Variants in PLCG1 observed in about 807,000 individuals in gnomAD.
PLCG1 encodes the protein phospholipase C gamma 1.
PLCG1 carries 71 observed loss-of-function variants against 177.8 expected under a neutral mutation model. The observed-to-expected ratio is 0.40, with a 90% CI of 0.33 to 0.49. The LOEUF is 0.49. PLCG1 is among the 20% of genes least tolerant of loss of function. The probability of loss-of-function intolerance (pLI) is 0.72; values close to 1 mark genes in which losing one functional copy is unlikely to be tolerated. For missense variants in PLCG1, 1,281 were observed against 1,709.0 expected (o/e 0.75, Z 4.42); for synonymous variants, 658 against 647.9 (o/e 1.02, Z -0.24).
Position 41,137,707 on chromosome 20 carries a change from G to A in PLCG1, c.66G>A (p.Val22=). 7.6e-7 allele frequency: 1 copy of A among 1,312,780 alleles called. No homozygotes were observed. Among genetic ancestry groups the A allele is most frequent in the South Asian group, 2.4e-5 (1 of 41,166 alleles). 81.3% of individuals were successfully genotyped at this position (1,312,780 alleles called of 1,614,324 possible). A position where few individuals can be genotyped will look rare whatever the true frequency, so the allele number is the denominator to read the frequency against. The change falls in exon 1 of 32, where the codon GTG becomes GTA. Residue 22 remains valine (V), a synonymous_variant. Transcript: ENST00000685551. This position sits in a 1 kb window ranked among gnomAD's most constrained non-coding sequence, Gnocchi z 7.3. The stretch of plus-strand genomic sequence containing the variant: ...CCGGCGCGCCCTCGGACGCCGAGGT[G>A]CTGCACCTCTGCCGCAGCCTCGAGG... ...CGPGAPSDAE[V]LHLCRSLEVG... is the part of the protein sequence containing the mutation.
rs1568729081 is a variant in PLCG1, at chr20:41,147,428, A to G, written c.217+9570A>G. Reference sequence around the variant, plus strand: ...CACCGGAAGCATGAAGCTCCATACAATCATGTGTGCTAGTAAAGTTTGGGC... The same window carrying G: ...CACCGGAAGCATGAAGCTCCATACAGTCATGTGTGCTAGTAAAGTTTGGGC... On this transcript the variant is annotated intron_variant, in intron 1 of 31. Transcript: ENST00000685551. This position sits in a 1 kb window ranked among gnomAD's most constrained non-coding sequence, Gnocchi z 4.0. 6.6e-6 allele frequency among the ~76,000 whole-genome samples: 1 copy of G among 152,234 alleles called. No homozygotes were observed. Among genetic ancestry groups the G allele is most frequent in the Non-Finnish European group, 1.5e-5 (1 of 68,040 alleles).
chr20:41,168,316 C>T (rs2035771662), intron 20 of PLCG1, among the ~76,000 whole-genome samples: 1 of 152,222 alleles, frequency 6.6e-6, no homozygotes, highest in Non-Finnish European at 1.5e-5. Context: ...ATTTCTCACC[C>T]CCTCCCCTCC....
At chr20:41,138,777 G>A (rs73907106) in intron 1 of PLCG1, among the ~76,000 whole-genome samples, 346 of 152,246 alleles carry the variant, frequency 2.3e-3, no homozygotes, top group African/African-American at 8.1e-3. Context: ...CTGCTTTTGC[G>A]CTGGTCTCTA....
rs139043247 is a variant in PLCG1, at chr20:41,175,076, G to C, written c.*567G>C. 6.5e-6 allele frequency: 1 copy of C among 154,086 alleles called. No individual in the cohort carries two copies. Among genetic ancestry groups the C allele is most frequent in the East Asian group, 1.9e-4 (1 of 5,216 alleles). The allele number at this position is 154,086 out of a possible 1,614,324, so 9.5% of individuals were successfully genotyped here. A position where few individuals can be genotyped will look rare whatever the true frequency, so the allele number is the denominator to read the frequency against. ...GCCTGAGGAGGAGGACACAGCACAA[G>C]GGCACATTGCCCATGGCTGGGAACA... is the stretch of plus-strand genomic sequence containing the variant. On this transcript the variant is annotated 3_prime_UTR_variant, in exon 32 of 32. Coordinates refer to ENST00000685551, the MANE Select transcript of PLCG1 (RefSeq NM_002660.3).
intron 4 of PLCG1, 189 bp from the exon 5 acceptor site, chr20:41,162,263 T>G (rs1474946163): frequency 1.2e-4 from 21 of 170,380 alleles, no homozygotes; most frequent in Non-Finnish European, 2.0e-4. Context: ...TTTGCTCAGA[T>G]GAGGAACTGA....
Position 41,166,860 on chromosome 20 carries a change from G to A in PLCG1, c.2301+1G>A. The A allele has an allele frequency of 1.2e-6, 2 of 1,613,540 alleles. No homozygotes were observed. Among genetic ancestry groups the A allele is most frequent in the Non-Finnish European group, 1.7e-6 (2 of 1,179,492 alleles). On this transcript the variant is annotated splice_donor_variant, in intron 19 of 31. Transcript: ENST00000685551. LOFTEE classifies it high-confidence loss of function. The surrounding 1 kb of genome is among the most constrained non-coding windows in gnomAD (Gnocchi z 8.6). ...GGCACTGGAGAAGATTGGCACAGCT[G>A]TGAGGGGGCTGTGGTAGACGGGGCA... is the stretch of plus-strand genomic sequence containing the variant.
chr20:41,139,882 A>G (rs35483314), intron 1 of PLCG1, among the ~76,000 whole-genome samples: 1 of 152,200 alleles, frequency 6.6e-6, no homozygotes, highest in African/African-American at 2.4e-5. Flanking sequence ...GTTTTGCCCC[A>G]ACCCATGTGC....
chr20:41,166,745 G>A lies in PLCG1; in HGVS notation c.2187G>A (p.Ser729=), dbSNP rs748919363. The change falls in exon 19 of 32, where the codon TCG becomes TCA. Residue 729 remains serine (S), a synonymous_variant. Transcript: ENST00000685551. This position sits in a 1 kb window ranked among gnomAD's most constrained non-coding sequence, Gnocchi z 8.6. ...GCCAGACAGTGATGCTAGGGAACTC[G>A]GAGTTCGACAGCCTTGTTGACCTCA... ...QEGQTVMLGN[S]EFDSLVDLIS... is the part of the protein sequence containing the mutation. 16 of 1,613,984 alleles carry A rather than the reference G, an allele frequency of 9.9e-6. No homozygotes were observed. The highest frequency in any genetic ancestry group is 1.7e-5 in the Admixed American group (1 of 60,008).
Position 41,176,350 on chromosome 20 carries a change from C to T in PLCG1, c.*1841C>T, listed in dbSNP as rs1239814784. On this transcript the variant is annotated 3_prime_UTR_variant, in exon 32 of 32. Transcript: ENST00000685551. ...CATAGAGAGGAGGGTGGCTTTTTCC[C>T]ATACACAAGAAGGTGGTGGGTGGGA... 2 of 152,136 alleles carry T rather than the reference C, an allele frequency of 1.3e-5. No homozygotes were observed. Among genetic ancestry groups the T allele is most frequent in the Non-Finnish European group, 2.9e-5 (2 of 68,034 alleles). The allele number at this position is 152,136 out of a possible 1,614,324, so 9.4% of individuals were successfully genotyped here. A position where few individuals can be genotyped will look rare whatever the true frequency, so the allele number is the denominator to read the frequency against.
rs2034714175 is a variant in PLCG1 at position 41,138,895 on chromosome 20, AT to A, written c.217+1039del. On this transcript the variant is annotated intron_variant, in intron 1 of 31. Transcript: ENST00000685551. ...GGATGGGCACTCTGCTCTGCCCTCCATTCCCCCGCCTCTCAGTGTGAAGAGA... is the reference window on the plus strand; with the variant it reads ...GGATGGGCACTCTGCTCTGCCCTCCATCCCCCGCCTCTCAGTGTGAAGAGA... Among the ~76,000 whole-genome samples, 3 of 152,208 alleles carry A rather than the reference AT, an allele frequency of 2.0e-5. No homozygotes were observed. The South Asian group carries it at 6.2e-4, about 32-fold the overall frequency.
intron 4 of PLCG1, among the ~76,000 whole-genome samples, chr20:41,161,748 G>C (rs2035504585): frequency 6.7e-6 from 1 of 150,246 alleles, no homozygotes. Flanking sequence ...CCTTCCAGGA[G>C]AGAAAGCCCC....
chr20:41,144,748 C>A lies in PLCG1; in HGVS notation c.217+6890C>A, dbSNP rs2034945732. ...CATACATTTGTTGTGGGCCTTGCTA[C>A]TGTGTGTTGGGCACACTGAGCTGGA... On this transcript the variant is annotated intron_variant, in intron 1 of 31. Transcript: ENST00000685551. The surrounding 1 kb of genome is among the most constrained non-coding windows in gnomAD (Gnocchi z 4.1). Among the ~76,000 whole-genome samples, 1 of 152,200 alleles carries A rather than the reference C, an allele frequency of 6.6e-6. No individual in the cohort carries two copies. The highest frequency in any genetic ancestry group is 1.5e-5 in the Non-Finnish European group (1 of 68,046).
At position 41,164,170 on chromosome 20, in the gene PLCG1, A is replaced by G. The variant is rs779874773; in HGVS notation, c.1186A>G (p.Thr396Ala). The G allele has an allele frequency of 1.5e-5, 24 of 1,611,920 alleles. No homozygotes were observed. In the East Asian group the frequency reaches 5.4e-4, roughly 36 times the overall value. The change falls in exon 12 of 32, where the codon ACC becomes GCC. Residue 396 changes from threonine to alanine, a missense_variant. By Grantham distance (58) the Thr-to-Ala change is moderately conservative. Transcript: ENST00000685551. The surrounding 1 kb of genome is among the most constrained non-coding windows in gnomAD (Gnocchi z 6.4). ...GATCAAGTTCTCAGATGTCCTGCAC[A>G]CCATCAAGGAGCATGCCTTTGTGGC... ...TKIKFSDVLH[T>A]IKEHAFVASE...
chr20:41,175,076 G>A lies in PLCG1; in HGVS notation c.*567G>A, dbSNP rs139043247. 1 of 154,204 alleles carries A rather than the reference G, an allele frequency of 6.5e-6. No individual in the cohort carries two copies. The highest frequency in any genetic ancestry group is 2.4e-5 in the African/African-American group (1 of 41,600). The allele number at this position is 154,204 out of a possible 1,614,324, so 9.6% of individuals were successfully genotyped here. ...GCCTGAGGAGGAGGACACAGCACAA[G>A]GGCACATTGCCCATGGCTGGGAACA... On this transcript the variant is annotated 3_prime_UTR_variant, in exon 32 of 32. Transcript: ENST00000685551.
chr20:41,162,713 C>T lies in PLCG1; in HGVS notation c.669C>T (p.Ser223=), dbSNP rs1264275542. The T allele has an allele frequency of 3.7e-6, 6 of 1,612,690 alleles. No homozygotes were observed. Among genetic ancestry groups the T allele is most frequent in the South Asian group, 2.2e-5 (2 of 90,928 alleles). Residue 223 remains serine, a synonymous_variant, in exon 6 of 32, where the codon AGC becomes AGT. Coordinates refer to ENST00000685551, the MANE Select transcript of PLCG1 (RefSeq NM_002660.3). The stretch of plus-strand genomic sequence containing the variant: ...AGCTGTACCGCAGCCTCATGTACAG[C>T]GCCCAGAAGACGGTGCATGAGCCAC... ...FAQLYRSLMY[S]AQKTMDLPFL...
chr20:41,159,735 G>C lies in PLCG1; in HGVS notation c.347G>C (p.Arg116Pro). The C allele has an allele frequency of 6.2e-7, 1 of 1,614,184 alleles. No individual in the cohort carries two copies. The highest frequency in any genetic ancestry group is 8.5e-7 in the Non-Finnish European group (1 of 1,180,032). The change falls in exon 2 of 32, where the codon CGC becomes CCC. Residue 116 changes from arginine to proline, a missense_variant. Around this residue, in one of 4 missense-constraint regions of PLCG1, gnomAD observed 374 missense variants for 443.8 expected, o/e 0.84. Coordinates refer to ENST00000685551, the MANE Select transcript of PLCG1 (RefSeq NM_002660.3). The surrounding 1 kb of genome is among the most constrained non-coding windows in gnomAD (Gnocchi z 6.0). ...CFVILYGMEF[R>P]LKTLSLQATS... ...GTCATTCTCTATGGAATGGAATTTC[G>C]CCTGAAAACGCTGAGCCTGCAAGGT...
chr20:41,173,520 A>C lies in PLCG1; in HGVS notation c.3380A>C (p.Lys1127Thr), dbSNP rs1376556460. The change falls in exon 28 of 32, where the codon AAG becomes ACG. Residue 1127 changes from lysine (K) to threonine (T), a missense_variant. Lys to Thr is a moderately conservative substitution (Grantham distance 78, BLOSUM62 -1). Transcript: ENST00000685551. The surrounding 1 kb of genome is among the most constrained non-coding windows in gnomAD (Gnocchi z 6.2). Reference sequence around the variant, plus strand: ...GCTGAGTATGACAGCACCAAGCAGAAGACAGAGTTTGTGGGTCAGTCTGTC... The same window carrying C: ...GCTGAGTATGACAGCACCAAGCAGACGACAGAGTTTGTGGGTCAGTCTGTC... ...AGAEYDSTKQ[K>T]TEFVVDNGLN... 1 of 1,613,824 alleles carries C rather than the reference A, an allele frequency of 6.2e-7. No individual in the cohort carries two copies. Among genetic ancestry groups the C allele is most frequent in the Admixed American group, 1.7e-5 (1 of 59,984 alleles).
At chr20:41,169,019 T>C (rs759140941) in intron 21 of PLCG1, 60 bp from the exon 22 acceptor site, 9 of 1,365,460 alleles carry the variant, frequency 6.6e-6, no homozygotes, top group East Asian at 4.6e-5. Flanking sequence ...TACCAAAGGA[T>C]ACCCTCCTCA....
At position 41,160,153 on chromosome 20, in the gene PLCG1, G is replaced by T. The variant is rs772001122; in HGVS notation, c.512G>T (p.Arg171Leu). 6.2e-7 allele frequency: 1 copy of T among 1,613,770 alleles called. No homozygotes were observed. The highest frequency in any genetic ancestry group is 8.5e-7 in the Non-Finnish European group (1 of 1,179,726). ...TCAGTGGATCGGAATCGTGAGGATC[G>T]GTAAGTACTGAGCTGTGGCTGTAGC... ...FYSVDRNRED[R>L]ISAKDLKNML... Residue 171 changes from arginine to leucine, a missense_variant and splice_region_variant, in exon 4 of 32, where the codon CGT (arginine) becomes CTT (leucine). This residue lies in a region of PLCG1 where 374 missense variants were observed against 443.8 expected (regional missense o/e 0.84). Transcript: ENST00000685551. This position sits in a 1 kb window ranked among gnomAD's most constrained non-coding sequence, Gnocchi z 5.5.
Sources: gnomAD v4.1 joint callset for allele counts (sites outside exome capture counted in the v4.1 genomes callset) on GRCh38, gnomAD v4.1.1 for gene constraint, gnomAD v4.1.1 regional missense constraint, Gnocchi (gnomAD v3.1) non-coding constraint, MANE v1.5 for transcripts, NCBI Gene and HGNC (gene_info 2026-07-23, HGNC 2026-07-21) for gene names.